The following IL5RA variants were observed in gnomAD, a reference collection of about 807,000 sequenced individuals.
IL5RA encodes interleukin 5 receptor subunit alpha.
Under a neutral mutation model 50.0 loss-of-function variants are expected in IL5RA, and 49 were observed. The observed-to-expected ratio is 0.98, with a 90% CI of 0.78 to 1.24. The LOEUF (loss-of-function observed/expected upper bound fraction) is 1.24, where lower values mean the gene tolerates loss of function less well. Ranked by LOEUF, IL5RA falls within the 50% of genes most tolerant of loss-of-function variation. The pLI is 0.00. For missense variants in IL5RA, 600 were observed against 500.4 expected, an observed-to-expected ratio of 1.20 and a Z score of -1.90; for synonymous variants, 202 against 174.0, an observed-to-expected ratio of 1.16 and a Z score of -1.26.
At chr3:3,099,155 T>C (rs1443668251) in intron 5 of IL5RA, among the ~76,000 whole-genome samples, 1 of 152,230 alleles carries the variant, frequency 6.6e-6, no homozygotes, top group Non-Finnish European at 1.5e-5. Context: ...GCAGACTTGA[T>C]GCACATTAGC....
At chr3:3,084,217 G>T (rs1702771351) in intron 9 of IL5RA, among the ~76,000 whole-genome samples, 1 of 152,154 alleles carries the variant, frequency 6.6e-6, no homozygotes, top group Admixed American at 6.5e-5. Flanking sequence ...CTGGTACACA[G>T]GTGCTCAATA....
rs1345368360 is a variant in IL5RA, at chr3:3,097,852, G to A, written c.709+18C>T. ...TCCGAGATTCAGTTATTTCAGCTTTGGGTTAAGTCGGTCTTACCAATGGCG... is the reference window on the plus strand; with the variant it reads ...TCCGAGATTCAGTTATTTCAGCTTTAGGTTAAGTCGGTCTTACCAATGGCG... On this transcript the variant is annotated intron_variant, in intron 7 of 11. Coordinates refer to ENST00000446632, the MANE Select transcript of IL5RA (RefSeq NM_175726.4). 6.2e-7 allele frequency: 1 copy of A among 1,601,352 alleles called. No individual in the cohort carries two copies. The highest frequency in any genetic ancestry group is 8.5e-7 in the Non-Finnish European group (1 of 1,171,832).
At position 3,092,223 on chromosome 3, in the gene IL5RA, C is replaced by T. The variant is rs189087770; in HGVS notation, c.994+1G>A. Reference sequence around the variant, plus strand: ...ATGTAAAATAAACATAAGCTACTTACCCACATAAATAGGTTGGCTCCACTC... The same window carrying T: ...ATGTAAAATAAACATAAGCTACTTATCCACATAAATAGGTTGGCTCCACTC... On this transcript the variant is annotated splice_donor_variant, in intron 9 of 11. Coordinates refer to ENST00000446632, the MANE Select transcript of IL5RA (RefSeq NM_175726.4). LOFTEE classifies it high-confidence loss of function. The surrounding 1 kb of genome is among the most constrained non-coding windows in gnomAD (Gnocchi z 4.2). 6.2e-7 allele frequency: 1 copy of T among 1,611,854 alleles called. No homozygotes were observed. Among genetic ancestry groups the T allele is most frequent in the East Asian group, 2.2e-5 (1 of 44,862 alleles).
In IL5RA at chr3:3,069,630, T is replaced by TTCTCTCTCTCTCTCTCTCTCTCTCTC. The variant is rs59813986; in HGVS notation, c.*569_*594dup. 5.0e-4 allele frequency: 73 copies of TTCTCTCTCTCTCTCTCTCTCTCTCTC among 147,074 alleles called. No homozygotes were observed. The highest frequency in any genetic ancestry group is 1.9e-3 in the Admixed American group (28 of 14,684). 9.1% of individuals were successfully genotyped at this position (147,074 alleles called of 1,614,324 possible). On this transcript the variant is annotated 3_prime_UTR_variant, in exon 12 of 12. Transcript: ENST00000446632. Reference sequence around the variant, plus strand: ...TCAGGCCTCTGGAGCTTGAGATAATTTCTCTCTCTCTCTCTCTCTCTCTCT... The same window carrying TTCTCTCTCTCTCTCTCTCTCTCTCTC: ...TCAGGCCTCTGGAGCTTGAGATAATTTCTCTCTCTCTCTCTCTCTCTCTCTCTCTCTCTCTCTCTCTCTCTCTCTCT...
chr3:3,068,249 C>G lies in IL5RA; in HGVS notation c.*1976G>C, dbSNP rs1702184409. On this transcript the variant is annotated 3_prime_UTR_variant, in exon 12 of 12. Transcript: ENST00000446632. ...GTCTTAAGGAGCCCTCCAGGCGCCT[C>G]TGATTCTGACCTAAGGTGTTCATTA... is the stretch of plus-strand genomic sequence containing the variant. 6.6e-6 allele frequency: 1 copy of G among 152,126 alleles called. No homozygotes were observed. Among genetic ancestry groups the G allele is most frequent in the African/African-American group, 2.4e-5 (1 of 41,394 alleles). The allele number at this position is 152,126 out of a possible 1,614,324, so 9.4% of individuals were successfully genotyped here.
intron 1 of IL5RA, among the ~76,000 whole-genome samples, 182 bp from the exon 2 acceptor site, chr3:3,108,873 G>A (rs986105494): frequency 2.0e-5 from 3 of 152,156 alleles, no homozygotes; most frequent in African/African-American, 7.2e-5. Context: ...AAACAAATGA[G>A]GTGATTTAAC....
At chr3:3,102,475 C>T (rs1214758781) in intron 4 of IL5RA, among the ~76,000 whole-genome samples, 200 bp downstream of exon 4, 1 of 152,214 alleles carries the variant, frequency 6.6e-6, no homozygotes, top group Middle Eastern at 3.2e-3. Context: ...TTAAAATATT[C>T]TGTGATGCTG....
At chr3:3,082,253 T>A (rs1417481944) in intron 9 of IL5RA, among the ~76,000 whole-genome samples, 5 of 152,172 alleles carry the variant, frequency 3.3e-5, no homozygotes, top group South Asian at 4.2e-4. Flanking sequence ...AATTCTGGGG[T>A]CTCCAACCTT....
chr3:3,087,778 A>C (rs1702931258), intron 9 of IL5RA, among the ~76,000 whole-genome samples: 1 of 152,202 alleles, frequency 6.6e-6, no homozygotes, highest in African/African-American at 2.4e-5. Flanking sequence ...ATGTAGCAGC[A>C]AAATCGCCTG....
chr3:3,080,689 G>A (rs957323812), intron 9 of IL5RA, among the ~76,000 whole-genome samples: 7 of 152,004 alleles, frequency 4.6e-5, no homozygotes, highest in Non-Finnish European at 4.4e-5. Context: ...AAAACCTATG[G>A]CTATACTATT....
Position 3,101,813 on chromosome 3 carries a change from A to G in IL5RA, c.246T>C (p.Thr82=). 1 of 1,613,920 alleles carries G rather than the reference A, an allele frequency of 6.2e-7. No homozygotes were observed. The highest frequency in any genetic ancestry group is 8.5e-7 in the Non-Finnish European group (1 of 1,179,944). ...GGAGGATGGTTACACATTTGCTTTC[A>G]GTGATTCTGGTTTCATACTAAAAAT... ...PKEDDYETRI[T]ESKCVTILHK... is the part of the protein sequence containing the mutation. Residue 82 remains threonine (T), a synonymous_variant, in exon 5 of 12, where the codon ACT becomes ACC. Coordinates refer to ENST00000446632, the MANE Select transcript of IL5RA (RefSeq NM_175726.4).
At position 3,098,270 on chromosome 3, in the gene IL5RA, C is replaced by T. The variant is rs1704257997; in HGVS notation, c.388G>A (p.Val130Met). Residue 130 changes from valine to methionine, a missense_variant, in exon 6 of 12, where the codon GTG (valine) becomes ATG (methionine). By Grantham distance (21) the Val-to-Met change is conservative (BLOSUM62 1). Coordinates refer to ENST00000446632, the MANE Select transcript of IL5RA (RefSeq NM_175726.4). Reference sequence around the variant, plus strand: ...GTGTTTGTGGTGCAAGTTAAATTCACAATTGAGGTTCCAGGAGACCCTAGG... The same window carrying T: ...GTGTTTGTGGTGCAAGTTAAATTCATAATTGAGGTTCCAGGAGACCCTAGG... ...APPGSPGTSI[V>M]NLTCTTNTTE... 6.2e-7 allele frequency: 1 copy of T among 1,613,924 alleles called. No individual in the cohort carries two copies. The highest frequency in any genetic ancestry group is 8.5e-7 in the Non-Finnish European group (1 of 1,179,936).
intron 5 of IL5RA, among the ~76,000 whole-genome samples, chr3:3,100,590 C>T (rs1703599716): frequency 6.6e-6 from 1 of 152,166 alleles, no homozygotes; most frequent in Admixed American, 6.5e-5. Context: ...AAGTGAATTC[C>T]ACTTGGTTCA....
intron 5 of IL5RA, among the ~76,000 whole-genome samples, chr3:3,099,893 C>T (rs1259484389): frequency 1.3e-5 from 2 of 152,072 alleles, no homozygotes; most frequent in African/African-American, 4.8e-5. Context: ...TGGTCTCGAA[C>T]ACTTAACCTC....
At chr3:3,108,230 C>T (rs1243798969) in intron 2 of IL5RA, among the ~76,000 whole-genome samples, 2 of 152,110 alleles carry the variant, frequency 1.3e-5, no homozygotes, top group Non-Finnish European at 2.9e-5. Context: ...AGGTATATTG[C>T]ATTACCCCCC....
At chr3:3,085,979 G>T (rs17878565) in intron 9 of IL5RA, among the ~76,000 whole-genome samples, 2,944 of 152,206 alleles carry the variant, frequency 0.019, 35 homozygotes, top group Middle Eastern at 0.065. Flanking sequence ...ATCTGAAAAC[G>T]GTGCTGAGTC....
intron 10 of IL5RA, among the ~76,000 whole-genome samples, chr3:3,075,859 C>G (rs1702462706): frequency 6.6e-6 from 1 of 152,156 alleles, no homozygotes; most frequent in African/African-American, 2.4e-5. Context: ...TGTGGCCTCC[C>G]AAAGTGCTGG....
In IL5RA at chr3:3,092,639, A is replaced by T. The variant is rs1703178603; in HGVS notation, c.856-277T>A. On this transcript the variant is annotated intron_variant, in intron 8 of 11. Coordinates refer to ENST00000446632, the MANE Select transcript of IL5RA (RefSeq NM_175726.4). The surrounding 1 kb of genome is among the most constrained non-coding windows in gnomAD (Gnocchi z 4.2). The stretch of plus-strand genomic sequence containing the variant: ...ATCCAGGCCCAGCTGATGTTTCCAG[A>T]CTGAAAGACTGGAGTGGCCTATGCT... 6.6e-6 allele frequency among the ~76,000 whole-genome samples: 1 copy of T among 152,222 alleles called. No individual in the cohort carries two copies.
Position 3,104,955 on chromosome 3 carries a change from G to C in IL5RA, c.30C>G (p.Ile10Met), listed in dbSNP as rs1703838041. Reference protein sequence around the residue: MIIVAHVLLILLGATEILQA... With the variant: MIIVAHVLLMLLGATEILQA... Reference sequence around the variant, plus strand: ...GCAGTATCTCAGTGGCCCCCAAAAGGATGAGTAATACATGCGCCACGATGA... The same window carrying C: ...GCAGTATCTCAGTGGCCCCCAAAAGCATGAGTAATACATGCGCCACGATGA... Residue 10 changes from isoleucine to methionine, a missense_variant, in exon 3 of 12, where the codon ATC becomes ATG. Coordinates refer to ENST00000446632, the MANE Select transcript of IL5RA (RefSeq NM_175726.4). 6.2e-7 allele frequency: 1 copy of C among 1,612,588 alleles called. No homozygotes were observed. The highest frequency in any genetic ancestry group is 1.3e-5 in the African/African-American group (1 of 74,838).
Sources: allele counts gnomAD v4.1 joint callset (sites outside exome capture counted in the v4.1 genomes callset), GRCh38; gene constraint gnomAD v4.1.1; non-coding constraint Gnocchi (gnomAD v3.1); transcripts MANE v1.5; gene names NCBI Gene and HGNC (gene_info 2026-07-23, HGNC 2026-07-21).